Variants in DLGAP2 observed in about 807,000 individuals in gnomAD.
The protein encoded by DLGAP2 is disks large-associated protein 2.
A neutral mutation model predicts 100.3 loss-of-function variants in DLGAP2; 26 were observed. That is an observed-to-expected ratio of 0.26 (90% CI 0.19 to 0.36). DLGAP2 has a LOEUF of 0.36. Ranked by LOEUF, DLGAP2 falls within the 10% of genes least tolerant of loss-of-function variation. DLGAP2 has a pLI of 1.00. For synonymous variants in DLGAP2, 886 were observed against 630.1 expected, an observed-to-expected ratio of 1.41 and a Z score of -6.08; for missense variants, 1,858 against 1,453.2, an observed-to-expected ratio of 1.28 and a Z score of -4.53.
chr8:936,406 C>G (rs1432837881), intron 2 of DLGAP2, among the ~76,000 whole-genome samples: 5 of 152,174 alleles, frequency 3.3e-5, no homozygotes, highest in Admixed American at 3.3e-4. Flanking sequence ...CATTGCCTCC[C>G]CTGGGAGATG....
At chr8:1,635,934 C>A (rs1308221302) in intron 8 of DLGAP2, among the ~76,000 whole-genome samples, 1 of 152,168 alleles carries the variant, frequency 6.6e-6, no homozygotes, top group African/African-American at 2.4e-5. Context: ...CTGAGACAGA[C>A]CCTTTTAATC....
At chr8:1,258,652 C>T (rs544479695) in intron 2 of DLGAP2, among the ~76,000 whole-genome samples, 199 bp from the exon 3 acceptor site, 16 of 152,050 alleles carry the variant, frequency 1.1e-4, no homozygotes, top group Admixed American at 1.3e-4. Flanking sequence ...AAAACATTTG[C>T]CAAGGGTAGC....
At chr8:1,325,385 G>C (rs1655799444) in intron 3 of DLGAP2, among the ~76,000 whole-genome samples, 1 of 152,240 alleles carries the variant, frequency 6.6e-6, no homozygotes, top group Non-Finnish European at 1.5e-5. Context: ...CCCACCTCCA[G>C]CAGCCCTGGT....
At chr8:1,585,108 A>G (rs1796075613) in intron 6 of DLGAP2, among the ~76,000 whole-genome samples, 1 of 152,124 alleles carries the variant, frequency 6.6e-6, no homozygotes, top group Non-Finnish European at 1.5e-5. Flanking sequence ...TACAACTGAT[A>G]TTGTTTTCAT....
chr8:1,633,059 C>G lies in DLGAP2; in HGVS notation c.1810+13C>G, dbSNP rs772678704. The G allele has an allele frequency of 6.2e-7, 1 of 1,613,704 alleles. No individual in the cohort carries two copies. The highest frequency in any genetic ancestry group is 1.7e-5 in the Admixed American group (1 of 60,000). ...AGGTCAACAGCAGGTAAGGGGACGC[C>G]ATTTTCAGCCTTCCAGCGGGGACTC... On this transcript the variant is annotated intron_variant, in intron 8 of 14. Transcript: ENST00000637795.
intron 4 of DLGAP2, among the ~76,000 whole-genome samples, chr8:1,525,866 G>A (rs904235962): frequency 6.6e-6 from 1 of 152,172 alleles, no homozygotes; most frequent in Non-Finnish European, 1.5e-5. Context: ...GCGGTGATGG[G>A]ACCTTGGTGT....
At chr8:1,329,304 A>G (rs1801095408) in intron 3 of DLGAP2, among the ~76,000 whole-genome samples, 1 of 152,224 alleles carries the variant, frequency 6.6e-6, no homozygotes, top group African/African-American at 2.4e-5. Flanking sequence ...TGCACCAGAG[A>G]GTGCTGCATT....
chr8:1,517,153 G>A (rs1267885933), intron 4 of DLGAP2, among the ~76,000 whole-genome samples: 3 of 152,154 alleles, frequency 2.0e-5, no homozygotes, highest in Admixed American at 6.5e-5. Context: ...CATGGCTGTG[G>A]GTGGAGGGCG....
chr8:1,273,569 G>A (rs942755488), intron 3 of DLGAP2, among the ~76,000 whole-genome samples: 5 of 152,210 alleles, frequency 3.3e-5, no homozygotes, highest in Admixed American at 3.3e-4. Flanking sequence ...TGCTTCAGAC[G>A]TGCCGTGACG....
intron 1 of DLGAP2, among the ~76,000 whole-genome samples, chr8:827,906 G>C (rs2132696572): frequency 6.6e-6 from 1 of 152,270 alleles, no homozygotes; most frequent in African/African-American, 2.4e-5. Flanking sequence ...ACAAAAGAGA[G>C]AAATTTTAAA....
At chr8:1,334,679 G>A (rs1298694154) in intron 3 of DLGAP2, among the ~76,000 whole-genome samples, 2 of 151,892 alleles carry the variant, frequency 1.3e-5, no homozygotes, top group African/African-American at 4.8e-5. Context: ...CGGCATTCTC[G>A]GCACTCCAGG....
chr8:1,070,101 C>G (rs1803381454), intron 2 of DLGAP2, among the ~76,000 whole-genome samples: 1 of 152,210 alleles, frequency 6.6e-6, no homozygotes, highest in Non-Finnish European at 1.5e-5. Flanking sequence ...TCCTGAAAAC[C>G]TGTACTTGAG....
At chr8:1,013,595 C>G (rs1157516856) in intron 2 of DLGAP2, among the ~76,000 whole-genome samples, 1 of 148,772 alleles carries the variant, frequency 6.7e-6, no homozygotes, top group Non-Finnish European at 1.5e-5. Flanking sequence ...AACGGACAGA[C>G]GGCGCCTCCA....
chr8:863,534 A>G (rs904934503), intron 1 of DLGAP2, among the ~76,000 whole-genome samples: 2 of 152,236 alleles, frequency 1.3e-5, no homozygotes. Context: ...TGTCAGATGC[A>G]TGCTTTGCTA....
chr8:1,337,074 G>A (rs1051094348), intron 3 of DLGAP2, among the ~76,000 whole-genome samples: 3 of 152,166 alleles, frequency 2.0e-5, no homozygotes, highest in Non-Finnish European at 2.9e-5. Flanking sequence ...GTGACATGAT[G>A]AGAAGATAGA....
rs569390898 is a variant in DLGAP2, at chr8:1,249,712, C to T, written c.74-9139C>T. Among the ~76,000 whole-genome samples the T allele has an allele frequency of 1.1e-4, 17 of 152,204 alleles. No homozygotes were observed. In the East Asian group the frequency reaches 2.9e-3, roughly 26 times the overall value. On this transcript the variant is annotated intron_variant, in intron 2 of 14. Transcript: ENST00000637795. ...TGGAGTCATGAGCAGCATTGAGTTTCATAGATTAAAAGGATATAAAAATAA... is the reference window on the plus strand; with the variant it reads ...TGGAGTCATGAGCAGCATTGAGTTTTATAGATTAAAAGGATATAAAAATAA...
At chr8:1,638,421 C>A (rs117500876) in intron 8 of DLGAP2, among the ~76,000 whole-genome samples, 2 of 152,160 alleles carry the variant, frequency 1.3e-5, no homozygotes, top group East Asian at 3.9e-4. Flanking sequence ...GTTTTCCCAG[C>A]GCCTTGGTCT....
At chr8:1,278,287 T>C (rs748090376) in intron 3 of DLGAP2, among the ~76,000 whole-genome samples, 2 of 152,216 alleles carry the variant, frequency 1.3e-5, no homozygotes. Flanking sequence ...CTAAGATCTC[T>C]TCCAGTTGTA....
intron 3 of DLGAP2, among the ~76,000 whole-genome samples, chr8:1,501,121 A>C (rs1799708684): frequency 6.6e-6 from 1 of 152,124 alleles, no homozygotes; most frequent in South Asian, 2.1e-4. Context: ...CTCACTGCCT[A>C]TGTCCGTGTC....
Sources: gnomAD v4.1 joint callset for allele counts (sites outside exome capture counted in the v4.1 genomes callset) on GRCh38, gnomAD v4.1.1 for gene constraint, MANE v1.5 for transcripts, NCBI Gene and HGNC (gene_info 2026-07-23, HGNC 2026-07-21) for gene names.